Variants in ZNF608 observed in about 807,000 individuals in gnomAD.
The protein encoded by ZNF608 is zinc finger protein 608.
A neutral mutation model predicts 109.0 loss-of-function variants in ZNF608; 12 were observed. That is an observed-to-expected ratio of 0.11 (90% CI 0.07 to 0.18). ZNF608 has a LOEUF of 0.18. ZNF608 is among the 10% of genes least tolerant of loss of function. The probability of loss-of-function intolerance (pLI) is 1.00; values close to 1 mark genes in which losing one functional copy is unlikely to be tolerated. For synonymous variants in ZNF608, 732 were observed against 717.4 expected (o/e 1.02, Z -0.33); for missense variants, 1,707 against 1,879.3 (o/e 0.91, Z 1.70).
At chr5:124,649,739 G>T in intron 3 of ZNF608, 42 bp from the exon 4 acceptor site, 2 of 1,258,548 alleles carry the variant, frequency 1.6e-6, no homozygotes, top group Non-Finnish European at 2.2e-6. Context: ...AGTTACCACT[G>T]ATTACTGTTA....
chr5:124,715,070 T>C (rs1228265441), intron 2 of ZNF608, among the ~76,000 whole-genome samples: 3 of 152,200 alleles, frequency 2.0e-5, no homozygotes, highest in Admixed American at 1.3e-4. Context: ...AGCTATTTCA[T>C]AGGGGTACTT....
At chr5:124,669,795 T>G (rs1396878279) in intron 3 of ZNF608, among the ~76,000 whole-genome samples, 2 of 152,146 alleles carry the variant, frequency 1.3e-5, no homozygotes, top group South Asian at 2.1e-4. Flanking sequence ...TTACAGATAC[T>G]AATCCCTAGC....
At chr5:124,694,076 C>G (rs1311312270) in intron 3 of ZNF608, among the ~76,000 whole-genome samples, 3 of 141,944 alleles carry the variant, frequency 2.1e-5, no homozygotes, top group Middle Eastern at 3.7e-3. Context: ...CCCGGTTTCA[C>G]GCCATTCTCC....
intron 2 of ZNF608, among the ~76,000 whole-genome samples, chr5:124,712,165 C>G (rs1259840324): frequency 6.6e-6 from 1 of 151,974 alleles, no homozygotes; most frequent in Non-Finnish European, 1.5e-5. Context: ...AAAAAAGAAG[C>G]CATTGCAGTA....
intron 2 of ZNF608, among the ~76,000 whole-genome samples, chr5:124,727,975 G>A (rs1372859003): frequency 2.0e-5 from 3 of 152,128 alleles, no homozygotes; most frequent in Non-Finnish European, 4.4e-5. Flanking sequence ...TCGACCTCAG[G>A]TGATCTGCCC....
At chr5:124,696,904 A>G (rs1444414959) in intron 3 of ZNF608, among the ~76,000 whole-genome samples, 1 of 152,206 alleles carries the variant, frequency 6.6e-6, no homozygotes, top group Non-Finnish European at 1.5e-5. Context: ...TTGTTTGCAC[A>G]TTAGAATCAC....
chr5:124,662,967 A>AT (rs1054898323), intron 3 of ZNF608, among the ~76,000 whole-genome samples: 19 of 152,208 alleles, frequency 1.2e-4, no homozygotes, highest in African/African-American at 4.3e-4. Flanking sequence ...CAATAAATAA[A>AT]TTTTTTCATG....
intron 3 of ZNF608, among the ~76,000 whole-genome samples, chr5:124,671,388 A>G (rs759922232): frequency 6.6e-6 from 1 of 152,178 alleles, no homozygotes; most frequent in Admixed American, 6.5e-5. Context: ...ATAACTCACC[A>G]TATCCGAAAG....
At chr5:124,741,058 A>G (rs1749374004) in intron 2 of ZNF608, among the ~76,000 whole-genome samples, 1 of 152,188 alleles carries the variant, frequency 6.6e-6, no homozygotes, top group African/African-American at 2.4e-5. Context: ...AAGCCAACCC[A>G]TCAAATCTAC....
In ZNF608 at chr5:124,679,593, C is replaced by T. The variant is rs139241874; in HGVS notation, c.1162+21421G>A. Among the ~76,000 whole-genome samples, 655 of 152,274 alleles carry T rather than the reference C, an allele frequency of 4.3e-3. 4 individuals are homozygous for T. The highest frequency in any genetic ancestry group is 0.015 in the African/African-American group (634 of 41,556). ...GATATCAATGTGATATTTAAAATCA[C>T]CTTTTACAGTCTCCACTCAAGGAAG... On this transcript the variant is annotated intron_variant, in intron 3 of 9. Coordinates refer to ENST00000513986, the MANE Select transcript of ZNF608 (RefSeq NM_020747.3).
intron 2 of ZNF608, among the ~76,000 whole-genome samples, chr5:124,705,391 T>A (rs1004318868): frequency 6.6e-6 from 1 of 152,156 alleles, no homozygotes; most frequent in Non-Finnish European, 1.5e-5. Flanking sequence ...AGACTCAGTG[T>A]CTAGTTCTAA....
intron 3 of ZNF608, among the ~76,000 whole-genome samples, chr5:124,700,335 A>AT (rs1285718850): frequency 6.6e-6 from 1 of 152,234 alleles, no homozygotes; most frequent in Non-Finnish European, 1.5e-5. Flanking sequence ...AGCATGGCAT[A>AT]TGCTCTGATT....
intron 3 of ZNF608, among the ~76,000 whole-genome samples, chr5:124,669,311 T>C (rs552668403): frequency 6.6e-6 from 1 of 152,286 alleles, no homozygotes; most frequent in South Asian, 2.1e-4. Context: ...AAGGCTTACA[T>C]AGCCACTCTG....
chr5:124,638,434 T>A (rs1395469142), intron 9 of ZNF608, among the ~76,000 whole-genome samples: 1 of 152,004 alleles, frequency 6.6e-6, no homozygotes, highest in African/African-American at 2.4e-5. Flanking sequence ...TTTTTGTATT[T>A]TTATTAGAGA....
intron 3 of ZNF608, among the ~76,000 whole-genome samples, chr5:124,676,042 A>G (rs990676614): frequency 1.3e-5 from 2 of 152,234 alleles, no homozygotes; most frequent in African/African-American, 4.8e-5. Flanking sequence ...GATGGGCTGC[A>G]GAAGTAGAGA....
At chr5:124,708,062 G>A (rs1212316862) in intron 2 of ZNF608, 1 of 152,216 alleles carries the variant, frequency 6.6e-6, no homozygotes, top group Non-Finnish European at 1.5e-5. Flanking sequence ...CTGTTTTATA[G>A]AAGCAGAAAC....
intron 2 of ZNF608, among the ~76,000 whole-genome samples, chr5:124,728,844 A>G (rs1383294587): frequency 1.3e-5 from 2 of 152,176 alleles, no homozygotes; most frequent in Non-Finnish European, 2.9e-5. Flanking sequence ...GACTTTATCA[A>G]CAGCCCCATA....
Position 124,648,291 on chromosome 5 carries a change from G to C in ZNF608, c.2093C>G (p.Pro698Arg). The C allele has an allele frequency of 6.2e-7, 1 of 1,614,112 alleles. No homozygotes were observed. The change falls in exon 5 of 10, where the codon CCT becomes CGT. Residue 698 changes from proline (P) to arginine (R), a missense_variant. Coordinates refer to ENST00000513986, the MANE Select transcript of ZNF608 (RefSeq NM_020747.3). ...AADGSLAAEM[P>R]KLEAEGLIDK... ...AATTAATCCTTCTGCTTCCAGTTTAGGCATCTCAGCAGCCAAACTGCCGTC... is the reference window on the plus strand; with the variant it reads ...AATTAATCCTTCTGCTTCCAGTTTACGCATCTCAGCAGCCAAACTGCCGTC...
chr5:124,718,470 C>T (rs1753788487), intron 2 of ZNF608, among the ~76,000 whole-genome samples: 1 of 152,172 alleles, frequency 6.6e-6, no homozygotes, highest in African/African-American at 2.4e-5. Context: ...ACTGATTTAG[C>T]TGGTAGATAA....
Sources: allele counts gnomAD v4.1 joint callset (sites outside exome capture counted in the v4.1 genomes callset), GRCh38; gene constraint gnomAD v4.1.1; transcripts MANE v1.5; gene names NCBI Gene and HGNC (gene_info 2026-07-23, HGNC 2026-07-21).